Variants in ATRNL1 observed in about 807,000 individuals in gnomAD.
The protein encoded by ATRNL1 is attractin like 1.
A neutral mutation model predicts 182.7 loss-of-function variants in ATRNL1; 95 were observed. The ratio of observed to expected loss-of-function variants is 0.52; its 90% CI spans 0.44 to 0.62. ATRNL1 has a LOEUF of 0.62. Among genes scored for constraint, ATRNL1 ranks in the 20% least tolerant of loss-of-function variants. The pLI is 0.00. For synonymous variants in ATRNL1, 576 were observed against 568.3 expected (o/e 1.01, Z -0.19); for missense variants, 1,471 against 1,679.5 (o/e 0.88, Z 2.17).
chr10:115,283,899 A>G (rs1277840374), intron 14 of ATRNL1, among the ~76,000 whole-genome samples: 1 of 152,162 alleles, frequency 6.6e-6, no homozygotes, highest in African/African-American at 2.4e-5. Context: ...TTATTTTGGA[A>G]ATGTAATGAA....
intron 1 of ATRNL1, among the ~76,000 whole-genome samples, chr10:115,115,257 A>G (rs571153301): frequency 6.8e-4 from 103 of 152,094 alleles, no homozygotes; most frequent in African/African-American, 2.3e-3. Flanking sequence ...GAAAAGAAAA[A>G]TATTGGTCAA....
intron 19 of ATRNL1, among the ~76,000 whole-genome samples, chr10:115,364,091 T>C (rs1439702740): frequency 2.0e-5 from 3 of 148,894 alleles, no homozygotes; most frequent in African/African-American, 7.4e-5. Flanking sequence ...TGGCATTGAA[T>C]CTGTAAATTA....
chr10:115,404,019 A>G (rs754431595), intron 20 of ATRNL1, among the ~76,000 whole-genome samples: 11 of 152,176 alleles, frequency 7.2e-5, no homozygotes, highest in Non-Finnish European at 1.5e-4. Flanking sequence ...GAAACCATAT[A>G]TGGTTTTGTC....
intron 27 of ATRNL1, among the ~76,000 whole-genome samples, chr10:115,825,783 T>G (rs2134296118): frequency 6.6e-6 from 1 of 152,314 alleles, no homozygotes; most frequent in East Asian, 1.9e-4. Flanking sequence ...TCCTGGAAGA[T>G]TCCTGGCTCT....
intron 26 of ATRNL1, among the ~76,000 whole-genome samples, chr10:115,614,909 G>A (rs1857355646): frequency 6.6e-6 from 1 of 151,654 alleles, no homozygotes; most frequent in South Asian, 2.1e-4. Context: ...GTCTATGTGT[G>A]CCTTTAGAGG....
intron 9 of ATRNL1, among the ~76,000 whole-genome samples, chr10:115,228,809 AG>A (rs568244776): frequency 4.0e-4 from 55 of 136,384 alleles, no homozygotes; most frequent in African/African-American, 1.5e-3. Flanking sequence ...CTTGTTTCCC[AG>A]GCTAGAGTGC....
intron 26 of ATRNL1, among the ~76,000 whole-genome samples, chr10:115,725,514 G>A (rs982439478): frequency 6.6e-6 from 1 of 152,152 alleles, no homozygotes; most frequent in Non-Finnish European, 1.5e-5. Context: ...TGTCATATGA[G>A]ATGCCGTTTA....
chr10:115,828,722 G>A (rs781982386), intron 27 of ATRNL1, among the ~76,000 whole-genome samples: 3 of 152,104 alleles, frequency 2.0e-5, no homozygotes, highest in Admixed American at 1.3e-4. Context: ...AGGGGGAGTT[G>A]TTTGCAGATC....
intron 27 of ATRNL1, among the ~76,000 whole-genome samples, chr10:115,817,675 C>T (rs1950194446): frequency 6.6e-6 from 1 of 151,964 alleles, no homozygotes; most frequent in African/African-American, 2.4e-5. Context: ...AAAAATAAAT[C>T]ACCTCTTATA....
intron 26 of ATRNL1, among the ~76,000 whole-genome samples, chr10:115,569,412 T>C (rs1253550907): frequency 6.6e-6 from 1 of 152,200 alleles, no homozygotes; most frequent in Non-Finnish European, 1.5e-5. Context: ...ATATTTGTAA[T>C]TTTTATAGCT....
chr10:115,195,857 A>G (rs1289105447), intron 8 of ATRNL1, among the ~76,000 whole-genome samples: 1 of 151,998 alleles, frequency 6.6e-6, no homozygotes, highest in Non-Finnish European at 1.5e-5. Flanking sequence ...TTTGTATTCT[A>G]TCTAAAAGAC....
At chr10:115,357,341 A>G (rs1002924358) in intron 19 of ATRNL1, among the ~76,000 whole-genome samples, 3 of 151,978 alleles carry the variant, frequency 2.0e-5, no homozygotes, top group East Asian at 1.9e-4. Flanking sequence ...TTTTATTCTG[A>G]TATTTGTACA....
chr10:115,233,647 A>G (rs1179662724), intron 9 of ATRNL1, among the ~76,000 whole-genome samples: 1 of 152,010 alleles, frequency 6.6e-6, no homozygotes, highest in Non-Finnish European at 1.5e-5. Flanking sequence ...AATGATGTTC[A>G]TTGTGGGTTT....
intron 1 of ATRNL1, among the ~76,000 whole-genome samples, chr10:115,114,589 A>G (rs1554869266): frequency 2.0e-5 from 3 of 152,204 alleles, no homozygotes; most frequent in African/African-American, 7.2e-5. Context: ...TAATCTGAAT[A>G]GACATTTTTC....
At chr10:115,627,541 T>C (rs12264695) in intron 26 of ATRNL1, among the ~76,000 whole-genome samples, 1,663 of 152,134 alleles carry the variant, frequency 0.011, 30 homozygotes, top group African/African-American at 0.038. Context: ...ATTTTTTGTA[T>C]TTTTAATAGA....
At chr10:115,464,168 G>A (rs960106251) in intron 22 of ATRNL1, among the ~76,000 whole-genome samples, 24 of 151,842 alleles carry the variant, frequency 1.6e-4, no homozygotes, top group African/African-American at 5.8e-4. Flanking sequence ...GTCATGAGAG[G>A]CATCGCTAAG....
intron 8 of ATRNL1, among the ~76,000 whole-genome samples, chr10:115,193,436 C>A (rs1359407737): frequency 6.6e-6 from 1 of 151,952 alleles, no homozygotes; most frequent in Non-Finnish European, 1.5e-5. Context: ...TTTTGAATTT[C>A]TCCATGGTTT....
At chr10:115,103,282 G>T (rs561993004) in intron 1 of ATRNL1, among the ~76,000 whole-genome samples, 14 of 151,950 alleles carry the variant, frequency 9.2e-5, no homozygotes, top group Non-Finnish European at 1.3e-4. Context: ...CAGGCAATCC[G>T]CCTGCCTCAG....
intron 8 of ATRNL1, among the ~76,000 whole-genome samples, chr10:115,188,040 AGAGAGG>A (rs1430625683): frequency 9.8e-6 from 1 of 102,400 alleles, no homozygotes; most frequent in Non-Finnish European, 1.9e-5. Flanking sequence ...TACAACTGGG[AGAGAGG>A]GAGGGGGAGG....
Sources: gnomAD v4.1 joint callset for allele counts (sites outside exome capture counted in the v4.1 genomes callset) on GRCh38, gnomAD v4.1.1 for gene constraint, MANE v1.5 for transcripts, NCBI Gene and HGNC (gene_info 2026-07-23, HGNC 2026-07-21) for gene names.